The following EYS variants were observed in gnomAD, a reference collection of about 807,000 sequenced individuals.
EYS encodes the protein protein eyes shut homolog.
In EYS, 250 loss-of-function variants were observed where a neutral mutation model predicts 282.1. That is an observed-to-expected ratio of 0.89 (90% confidence interval 0.80 to 0.98). EYS has a LOEUF of 0.98. Ranked by LOEUF, EYS falls within the 50% of genes least tolerant of loss-of-function variation. The pLI, the probability that EYS is intolerant of heterozygous loss-of-function variation, is 0.00. For missense variants in EYS, 4,016 were observed against 3,709.0 expected, an observed-to-expected ratio of 1.08 and a Z score of -2.15; for synonymous variants, 1,355 against 1,282.9, an observed-to-expected ratio of 1.06 and a Z score of -1.20.
chr6:63,769,183 C>T (rs2095151), intron 40 of EYS, among the ~76,000 whole-genome samples: 76,558 of 151,678 alleles, frequency 0.5, 21,049 homozygotes, highest in African/African-American at 0.72. Context: ...CACACACTTA[C>T]GTAACAAACC....
In EYS at chr6:64,933,223, T is replaced by C. The variant is rs140207792; in HGVS notation, c.2381+12570A>G. Among the ~76,000 whole-genome samples the C allele has an allele frequency of 2.6e-4, 40 of 151,810 alleles. No homozygotes were observed. The East Asian group carries it at 6.8e-3, about 26-fold the overall frequency. On this transcript the variant is annotated intron_variant, in intron 15 of 42. Coordinates refer to ENST00000503581, the MANE Select transcript of EYS (RefSeq NM_001142800.2). ...TAATAAAAATAAAGGAAGCAATTAT[T>C]AAAAAATTAAAAAACAAATAGAATT...
In EYS at chr6:65,376,693, T is replaced by C. The variant is rs142911417; in HGVS notation, c.1299+7693A>G. ...GGATGGAGGACTATTTACCAACAAA[T>C]GGAAAGCAAAAAAAGCAGGGGTTGC... is the stretch of plus-strand genomic sequence containing the variant. On this transcript the variant is annotated intron_variant, in intron 8 of 42. Transcript: ENST00000503581. Among the ~76,000 whole-genome samples, 170 of 151,872 alleles carry C rather than the reference T, an allele frequency of 1.1e-3. 5 individuals are homozygous for C. The highest frequency in any genetic ancestry group is 4.0e-3 in the African/African-American group (165 of 41,436).
intron 22 of EYS, among the ~76,000 whole-genome samples, chr6:64,778,384 G>T (rs1322393280): frequency 6.6e-6 from 1 of 152,122 alleles, no homozygotes; most frequent in Non-Finnish European, 1.5e-5. Context: ...AGCACTAGTG[G>T]TCTAAAATGA....
chr6:65,563,632 A>C (rs1769150434), intron 2 of EYS, among the ~76,000 whole-genome samples: 1 of 152,114 alleles, frequency 6.6e-6, no homozygotes, highest in African/African-American at 2.4e-5. Context: ...GACATTGTAC[A>C]CAGAGAATAT....
At chr6:64,528,137 A>C (rs1777983752) in intron 26 of EYS, among the ~76,000 whole-genome samples, 1 of 151,906 alleles carries the variant, frequency 6.6e-6, no homozygotes. Flanking sequence ...AATAATCTGG[A>C]ATACATTTTT....
chr6:64,048,915 T>A (rs72875100), intron 33 of EYS, among the ~76,000 whole-genome samples: 1 of 151,916 alleles, frequency 6.6e-6, no homozygotes, highest in Admixed American at 6.6e-5. Context: ...TTTCCCCCCC[T>A]AGATGTTTGC....
chr6:64,229,343 C>A (rs1766347061), intron 31 of EYS, among the ~76,000 whole-genome samples: 1 of 151,786 alleles, frequency 6.6e-6, no homozygotes, highest in Non-Finnish European at 1.5e-5. Flanking sequence ...GATAAAAAGC[C>A]CTCTCAGAAT....
intron 37 of EYS, among the ~76,000 whole-genome samples, chr6:63,800,491 G>A (rs1011375486): frequency 3.3e-5 from 5 of 152,194 alleles, no homozygotes; most frequent in Admixed American, 2.0e-4. Context: ...ACTGCAGTGA[G>A]ATTAATTGTT....
chr6:64,033,828 C>CTATATATATATATATATATA (rs1491226014), intron 33 of EYS, among the ~76,000 whole-genome samples: 24 of 59,218 alleles, frequency 4.1e-4, no homozygotes, highest in African/African-American at 1.4e-3. Flanking sequence ...AATGAGATTA[C>CTATATATATATATATATATA]TCTCTCTCTC....
At chr6:64,518,425 G>A (rs184906728) in intron 26 of EYS, among the ~76,000 whole-genome samples, 41 of 151,854 alleles carry the variant, frequency 2.7e-4, no homozygotes, top group Non-Finnish European at 5.0e-4. Flanking sequence ...CTGAGTCTAT[G>A]TCTGATTTCA....
intron 22 of EYS, among the ~76,000 whole-genome samples, chr6:64,684,521 T>A (rs1021624324): frequency 2.0e-5 from 3 of 151,848 alleles, no homozygotes; most frequent in African/African-American, 4.8e-5. Flanking sequence ...TAAAGTCTTA[T>A]ATTTTCTCCT....
At chr6:64,530,446 A>C (rs1483747420) in intron 26 of EYS, among the ~76,000 whole-genome samples, 1 of 152,032 alleles carries the variant, frequency 6.6e-6, no homozygotes, top group Non-Finnish European at 1.5e-5. Context: ...ATATATTAAA[A>C]TTTTGTTTGG....
chr6:65,368,973 C>T (rs1034990270), intron 8 of EYS, among the ~76,000 whole-genome samples: 1 of 151,300 alleles, frequency 6.6e-6, no homozygotes, highest in Non-Finnish European at 1.5e-5. Context: ...AATTCAGTGG[C>T]TATTTGATTT....
chr6:64,232,532 G>A (rs1369251662), intron 30 of EYS, among the ~76,000 whole-genome samples: 1 of 152,080 alleles, frequency 6.6e-6, no homozygotes, highest in Non-Finnish European at 1.5e-5. Flanking sequence ...TGGGATTACA[G>A]GCACCCGCCA....
intron 22 of EYS, among the ~76,000 whole-genome samples, chr6:64,755,916 T>C (rs1458805149): frequency 6.6e-6 from 1 of 152,188 alleles, no homozygotes; most frequent in African/African-American, 2.4e-5. Context: ...AAATTTATAG[T>C]TCATTTATGT....
intron 22 of EYS, among the ~76,000 whole-genome samples, chr6:64,777,100 A>C (rs1458791154): frequency 6.6e-6 from 1 of 152,118 alleles, no homozygotes. Context: ...TAACTAACTC[A>C]CTATCATGAG....
At chr6:65,583,943 A>G (rs1279840878) in intron 2 of EYS, among the ~76,000 whole-genome samples, 1 of 150,230 alleles carries the variant, frequency 6.7e-6, no homozygotes, top group Non-Finnish European at 1.5e-5. Context: ...GACCTAACAT[A>G]TCTTATGAAC....
intron 5 of EYS, among the ~76,000 whole-genome samples, chr6:65,432,296 C>A (rs1767916439): frequency 6.6e-6 from 1 of 151,778 alleles, no homozygotes; most frequent in African/African-American, 2.4e-5. Context: ...AAATAATGAA[C>A]AAAACAGATA....
intron 2 of EYS, among the ~76,000 whole-genome samples, chr6:65,563,732 T>C (rs1769153674): frequency 6.6e-6 from 1 of 152,210 alleles, no homozygotes; most frequent in Non-Finnish European, 1.5e-5. Flanking sequence ...AGGCAGATAA[T>C]AGTAGGGCAG....
Sources: gnomAD v4.1 joint callset for allele counts (sites outside exome capture counted in the v4.1 genomes callset) on GRCh38, gnomAD v4.1.1 for gene constraint, MANE v1.5 for transcripts, NCBI Gene and HGNC (gene_info 2026-07-23, HGNC 2026-07-21) for gene names.